Variants in MTUS2 observed in about 807,000 individuals in gnomAD.
The protein encoded by MTUS2 is microtubule-associated tumor suppressor candidate 2.
Under a neutral mutation model 114.1 loss-of-function variants are expected in MTUS2, and 40 were observed. That is an observed-to-expected ratio of 0.35 (90% CI 0.27 to 0.46). The LOEUF is 0.46. Ranked by LOEUF, MTUS2 falls within the 20% of genes least tolerant of loss-of-function variation. The pLI, the probability that MTUS2 is intolerant of heterozygous loss-of-function variation, is 1.00. For synonymous variants in MTUS2, 688 were observed against 672.0 expected (o/e 1.02, Z -0.37); for missense variants, 1,679 against 1,705.4 (o/e 0.98, Z 0.27).
chr13:29,045,777 C>T (rs1887586115), intron 4 of MTUS2, among the ~76,000 whole-genome samples: 1 of 152,100 alleles, frequency 6.6e-6, no homozygotes, highest in Admixed American at 6.5e-5. Flanking sequence ...GCCTTTGGGC[C>T]TTCAAATGAC....
chr13:29,012,295 C>T (rs181843810), intron 2 of MTUS2, among the ~76,000 whole-genome samples: 19 of 152,144 alleles, frequency 1.2e-4, no homozygotes, highest in South Asian at 4.2e-4. Context: ...TGCACCAACC[C>T]GACTCACGCC....
At chr13:29,284,781 G>A (rs2139553690) in intron 6 of MTUS2, among the ~76,000 whole-genome samples, 1 of 152,204 alleles carries the variant, frequency 6.6e-6, no homozygotes, top group South Asian at 2.1e-4. Flanking sequence ...GGGTATTATA[G>A]GATAAAGTCA....
chr13:29,013,172 C>T (rs920547062), intron 2 of MTUS2, among the ~76,000 whole-genome samples: 20 of 152,204 alleles, frequency 1.3e-4, no homozygotes, highest in Admixed American at 9.8e-4. Flanking sequence ...GTTTGGAGTC[C>T]GTGTCTCCTT....
rs143790934 is a variant in MTUS2 at position 29,115,656 on chromosome 13, C to T, written c.2644+14686C>T. Among the ~76,000 whole-genome samples, 432 of 152,206 alleles carry T rather than the reference C, an allele frequency of 2.8e-3. 1 individual carries two copies. Among genetic ancestry groups the T allele is most frequent in the African/African-American group, 9.9e-3 (413 of 41,538 alleles). ...CTAATAAGTCATTCATAATTACATACGAAAATGTAATTTATTGGTTTCCTT... is the reference window on the plus strand; with the variant it reads ...CTAATAAGTCATTCATAATTACATATGAAAATGTAATTTATTGGTTTCCTT... On this transcript the variant is annotated intron_variant, in intron 5 of 15. Coordinates refer to ENST00000612955, the MANE Select transcript of MTUS2 (RefSeq NM_001033602.4).
intron 2 of MTUS2, among the ~76,000 whole-genome samples, chr13:28,878,249 A>G (rs549852807): frequency 4.6e-5 from 7 of 151,124 alleles, no homozygotes; most frequent in East Asian, 1.9e-4. Flanking sequence ...ATATGTATAT[A>G]TGTGTGTGTG....
chr13:29,163,227 G>A (rs1017816606), intron 5 of MTUS2, among the ~76,000 whole-genome samples: 2 of 152,098 alleles, frequency 1.3e-5, no homozygotes, highest in Admixed American at 1.3e-4. Context: ...ATTTTTAAAT[G>A]AAAATGGGCT....
intron 2 of MTUS2, among the ~76,000 whole-genome samples, chr13:28,894,303 A>AGGGGGGGGG (rs1243477585): frequency 3.1e-4 from 1 of 3,208 alleles, no homozygotes; most frequent in Non-Finnish European, 6.8e-4. Flanking sequence ...AGAGAGAGAG[A>AGGGGGGGGG]GGGGGGGGGG....
At chr13:29,057,801 A>G (rs1174093883) in intron 4 of MTUS2, among the ~76,000 whole-genome samples, 2 of 151,998 alleles carry the variant, frequency 1.3e-5, no homozygotes, top group Non-Finnish European at 2.9e-5. Flanking sequence ...TTTACCTTCA[A>G]AATTAATATT....
At position 29,302,214 on chromosome 13, in the gene MTUS2, A is replaced by G. The variant is rs548514741; in HGVS notation, c.2806+20349A>G. 1.9e-4 allele frequency among the ~76,000 whole-genome samples: 29 copies of G among 152,344 alleles called. 1 individual carries two copies. The highest frequency in any genetic ancestry group is 6.5e-4 in the African/African-American group (27 of 41,586). On this transcript the variant is annotated intron_variant, in intron 6 of 15. Transcript: ENST00000612955. ...AAACAACACAAACCAGAGAATGAAG[A>G]AAAGCTGGGGCTGCTGACAGCCCAC...
At chr13:28,910,272 A>G (rs984688048) in intron 2 of MTUS2, among the ~76,000 whole-genome samples, 6 of 152,196 alleles carry the variant, frequency 3.9e-5, no homozygotes, top group Admixed American at 2.6e-4. Flanking sequence ...ATAAGCGAGA[A>G]CATGTGAAGT....
At chr13:29,482,556 A>G (rs768976849) in intron 10 of MTUS2, among the ~76,000 whole-genome samples, 19 of 152,358 alleles carry the variant, frequency 1.2e-4, no homozygotes, top group Middle Eastern at 3.4e-3. Context: ...AAGAATATCT[A>G]TGGAATGTGC....
intron 4 of MTUS2, among the ~76,000 whole-genome samples, chr13:29,037,343 C>T (rs1304966905): frequency 1.3e-5 from 2 of 152,186 alleles, no homozygotes; most frequent in African/African-American, 2.4e-5. Context: ...TTGGCTCCCA[C>T]TCTCTTCTGG....
chr13:29,279,557 T>C (rs1898189978), intron 5 of MTUS2, among the ~76,000 whole-genome samples: 1 of 152,266 alleles, frequency 6.6e-6, no homozygotes, highest in Non-Finnish European at 1.5e-5. Context: ...GTATTTTTCA[T>C]TTACTGAATA....
intron 5 of MTUS2, among the ~76,000 whole-genome samples, chr13:29,179,282 TAACCATATGCAG>T (rs1285036220): frequency 2.6e-5 from 4 of 152,248 alleles, no homozygotes; most frequent in African/African-American, 7.2e-5. Context: ...ATCTCTGCGT[TAACCATATGCAG>T]AGGACAGTTT....
chr13:28,931,142 A>G (rs898736946), intron 2 of MTUS2, among the ~76,000 whole-genome samples: 1 of 152,138 alleles, frequency 6.6e-6, no homozygotes, highest in Non-Finnish European at 1.5e-5. Context: ...CACTTCCTTG[A>G]CTTTGGGCAT....
chr13:29,446,008 T>C (rs1190287995), intron 9 of MTUS2, among the ~76,000 whole-genome samples: 1 of 152,168 alleles, frequency 6.6e-6, no homozygotes, highest in Non-Finnish European at 1.5e-5. Context: ...TCCAATCCTC[T>C]AATGACTTGT....
intron 5 of MTUS2, among the ~76,000 whole-genome samples, chr13:29,260,947 A>G (rs1408124957): frequency 6.6e-6 from 1 of 152,204 alleles, no homozygotes; most frequent in Non-Finnish European, 1.5e-5. Flanking sequence ...TGCCCCCAGT[A>G]AAGAATTATC....
rs373310334 is a variant in MTUS2, at chr13:29,261,971, A to G, written c.2645-19733A>G. ...TATATTAGCCTTTGGTCTTTTAAGTAACTAACCTCCGTCAGTATTTGACTA... is the reference window on the plus strand; with the variant it reads ...TATATTAGCCTTTGGTCTTTTAAGTGACTAACCTCCGTCAGTATTTGACTA... On this transcript the variant is annotated intron_variant, in intron 5 of 15. Coordinates refer to ENST00000612955, the MANE Select transcript of MTUS2 (RefSeq NM_001033602.4). Among the ~76,000 whole-genome samples the G allele has an allele frequency of 1.9e-3, 286 of 152,370 alleles. 2 individuals carry two copies. The highest frequency in any genetic ancestry group is 6.2e-3 in the African/African-American group (258 of 41,588).
intron 8 of MTUS2, among the ~76,000 whole-genome samples, chr13:29,435,753 A>G (rs1877356854): frequency 6.6e-6 from 1 of 152,228 alleles, no homozygotes; most frequent in Non-Finnish European, 1.5e-5. Context: ...TACTTTATGC[A>G]GAGGATTCAT....
Sources: allele counts gnomAD v4.1 joint callset (sites outside exome capture counted in the v4.1 genomes callset), GRCh38; gene constraint gnomAD v4.1.1; transcripts MANE v1.5; gene names NCBI Gene and HGNC (gene_info 2026-07-23, HGNC 2026-07-21).